Variants in UTRN observed in about 807,000 individuals in gnomAD.
UTRN encodes dystrophin-related protein 1.
A neutral mutation model predicts 463.9 loss-of-function variants in UTRN; 283 were observed. The ratio of observed to expected loss-of-function variants is 0.61; its 90% CI spans 0.55 to 0.67. The LOEUF (loss-of-function observed/expected upper bound fraction) is 0.67. UTRN is among the 30% of genes least tolerant of loss of function. UTRN has a pLI of 0.00. For missense variants in UTRN, 3,922 were observed against 4,084.3 expected (o/e 0.96, Z 1.08); for synonymous variants, 1,442 against 1,431.5 (o/e 1.01, Z -0.17).
intron 9 of UTRN, among the ~76,000 whole-genome samples, chr6:144,434,296 C>G (rs1786305772): frequency 6.9e-6 from 1 of 145,448 alleles, no homozygotes; most frequent in Non-Finnish European, 1.5e-5. Context: ...GGCAGCAGTA[C>G]AGTCCAGCTT....
At chr6:144,328,793 T>G (rs1389746898) in intron 2 of UTRN, among the ~76,000 whole-genome samples, 5 of 151,072 alleles carry the variant, frequency 3.3e-5, no homozygotes, top group Non-Finnish European at 4.4e-5. Flanking sequence ...GCCAGACAAA[T>G]TTTTTTTTGA....
In UTRN at chr6:144,487,674, C is replaced by T. The variant is rs1242945633; in HGVS notation, c.3949C>T (p.Arg1317Ter). The change falls in exon 29 of 75, where the codon CGA (arginine) becomes TGA (stop). Residue 1317 changes from arginine to a stop codon, truncating the protein, a stop_gained. Transcript: ENST00000367545. LOFTEE classifies it high-confidence loss of function. ...ISEKLEAFNS[R>*]YEDLSHLAES... is the part of the protein sequence containing the mutation. ...TGAGAAACTGGAGGCTTTCAACAGC[C>T]GATATGAAGATCTAAGTCACCTGGT... The T allele has an allele frequency of 1.9e-6, 3 of 1,611,642 alleles. No individual in the cohort carries two copies. The highest frequency in any genetic ancestry group is 2.2e-5 in the East Asian group (1 of 44,768).
At chr6:144,616,888 T>C (rs902209377) in intron 51 of UTRN, among the ~76,000 whole-genome samples, 2 of 152,212 alleles carry the variant, frequency 1.3e-5, no homozygotes, top group African/African-American at 2.4e-5. Flanking sequence ...CATAGCGTTC[T>C]ACCACCTGGT....
chr6:144,361,417 C>A (rs751665710), intron 2 of UTRN, among the ~76,000 whole-genome samples: 12 of 152,212 alleles, frequency 7.9e-5, no homozygotes, highest in Non-Finnish European at 1.3e-4. Flanking sequence ...ATATTAGTTT[C>A]AATTGTGAGC....
intron 39 of UTRN, among the ~76,000 whole-genome samples, chr6:144,518,214 C>T (rs1795795590): frequency 6.6e-6 from 1 of 152,180 alleles, no homozygotes; most frequent in Non-Finnish European, 1.5e-5. Context: ...CTCACTCTAG[C>T]ATGTCCTTTG....
intron 51 of UTRN, among the ~76,000 whole-genome samples, chr6:144,582,129 GT>G (rs1802024923): frequency 6.6e-6 from 1 of 152,126 alleles, no homozygotes; most frequent in South Asian, 2.1e-4. Context: ...GATAAACACC[GT>G]TCTGTAAGAC....
intron 52 of UTRN, among the ~76,000 whole-genome samples, chr6:144,689,329 G>A (rs1231169604): frequency 6.6e-6 from 1 of 152,164 alleles, no homozygotes; most frequent in Admixed American, 6.5e-5. Context: ...GGAGCACCAG[G>A]GCTGCCTGAC....
intron 51 of UTRN, among the ~76,000 whole-genome samples, chr6:144,645,014 T>C (rs1005700369): frequency 5.3e-5 from 8 of 152,232 alleles, no homozygotes; most frequent in African/African-American, 1.7e-4. Context: ...ATGTGGACTT[T>C]TTTTCTTTCA....
chr6:144,519,565 A>G (rs1795903913), intron 39 of UTRN, among the ~76,000 whole-genome samples: 1 of 152,174 alleles, frequency 6.6e-6, no homozygotes, highest in African/African-American at 2.4e-5. Context: ...CCAGAAGTAA[A>G]GTCTCGGTCA....
intron 52 of UTRN, among the ~76,000 whole-genome samples, chr6:144,678,972 A>G (rs1339384771): frequency 6.6e-6 from 1 of 152,144 alleles, no homozygotes; most frequent in Non-Finnish European, 1.5e-5. Context: ...ATGAGGAAAC[A>G]GAGGTTTAAT....
chr6:144,787,191 G>A (rs895938038), intron 61 of UTRN, among the ~76,000 whole-genome samples: 3 of 152,106 alleles, frequency 2.0e-5, no homozygotes, highest in African/African-American at 7.2e-5. Flanking sequence ...TGTCTGACTG[G>A]GTCCAGAGAG....
chr6:144,345,536 A>C (rs1367690873), intron 2 of UTRN, among the ~76,000 whole-genome samples: 1 of 152,150 alleles, frequency 6.6e-6, no homozygotes, highest in East Asian at 1.9e-4. Flanking sequence ...TCAGCCAGGC[A>C]TGGTGGCATG....
intron 1 of UTRN, among the ~76,000 whole-genome samples, chr6:144,291,226 T>G (rs922775308): frequency 2.6e-5 from 4 of 152,208 alleles, no homozygotes; most frequent in African/African-American, 9.7e-5. Flanking sequence ...TTCACCTGGT[T>G]CAACAGGTAC....
chr6:144,429,729 A>G lies in UTRN; in HGVS notation c.843A>G (p.Ala281=). 3.1e-6 allele frequency: 5 copies of G among 1,611,560 alleles called. No homozygotes were observed. The highest frequency in any genetic ancestry group is 1.1e-5 in the South Asian group (1 of 90,400). The change falls in exon 9 of 75, where the codon GCA becomes GCG. Residue 281 remains alanine, a synonymous_variant. Coordinates refer to ENST00000367545, the MANE Select transcript of UTRN (RefSeq NM_007124.3). ...RKYKKECEEE[A]INIQSTAPEE... ...ATAAAAAAGAATGTGAAGAAGAGGC[A>G]ATTAATATACAGGTACAGGTAACAT... is the stretch of plus-strand genomic sequence containing the variant.
intron 65 of UTRN, among the ~76,000 whole-genome samples, chr6:144,814,439 G>A (rs1034284254): frequency 6.6e-6 from 1 of 152,146 alleles, no homozygotes; most frequent in African/African-American, 2.4e-5. Flanking sequence ...TGAGACACAT[G>A]CTGTAATTGT....
chr6:144,826,949 T>C (rs534637046), intron 66 of UTRN, among the ~76,000 whole-genome samples: 1 of 152,294 alleles, frequency 6.6e-6, no homozygotes, highest in Non-Finnish European at 1.5e-5. Flanking sequence ...TAACTTCATC[T>C]TTCTAACCAA....
At chr6:144,628,667 T>C (rs1191470733) in intron 51 of UTRN, among the ~76,000 whole-genome samples, 1 of 152,238 alleles carries the variant, frequency 6.6e-6, no homozygotes. Context: ...CTAAATAGAA[T>C]CATCCAAAAG....
At chr6:144,555,746 C>T (rs1360275632) in intron 49 of UTRN, among the ~76,000 whole-genome samples, 1 of 152,178 alleles carries the variant, frequency 6.6e-6, no homozygotes, top group African/African-American at 2.4e-5. Flanking sequence ...ATCACAAGAA[C>T]AGCACAGGGG....
At chr6:144,716,791 A>G (rs951266634) in intron 53 of UTRN, among the ~76,000 whole-genome samples, 1 of 152,198 alleles carries the variant, frequency 6.6e-6, no homozygotes, top group South Asian at 2.1e-4. Context: ...ACTTAGATAC[A>G]TGTCATGCCT....
Sources: gnomAD v4.1 joint callset for allele counts (sites outside exome capture counted in the v4.1 genomes callset) on GRCh38, gnomAD v4.1.1 for gene constraint, MANE v1.5 for transcripts, NCBI Gene and HGNC (gene_info 2026-07-23, HGNC 2026-07-21) for gene names.